The following PIK3R6 variants were observed in gnomAD, a reference collection of about 807,000 sequenced individuals.
PIK3R6 encodes the protein phosphoinositide 3-kinase regulatory subunit 6.
Under a neutral mutation model 84.9 loss-of-function variants are expected in PIK3R6, and 91 were observed. The ratio of observed to expected loss-of-function variants is 1.07; its 90% CI spans 0.90 to 1.28. PIK3R6 has a LOEUF of 1.28. Ranked by LOEUF, PIK3R6 falls within the 50% of genes most tolerant of loss-of-function variation. The pLI is 0.00. For synonymous variants in PIK3R6, 416 were observed against 411.4 expected (o/e 1.01, Z -0.13); for missense variants, 996 against 985.1 (o/e 1.01, Z -0.15).
intron 9 of PIK3R6, among the ~76,000 whole-genome samples, chr17:8,830,195 G>A (rs569813859): frequency 6.6e-6 from 1 of 152,308 alleles, no homozygotes; most frequent in South Asian, 2.1e-4. Flanking sequence ...CCTTCTCAGG[G>A]CTGCTTCCAA....
At position 8,842,623 on chromosome 17, in the gene PIK3R6, C is replaced by T. The variant is rs1024323721; in HGVS notation, c.14-2926G>A. The stretch of plus-strand genomic sequence containing the variant: ...AATAAATTCCTCTTTGCAATTAGCT[C>T]CCACCAAGAGTTTGCCATTATAGGT... On this transcript the variant is annotated intron_variant, in intron 2 of 19. Transcript: ENST00000619866. The surrounding 1 kb of genome is among the most constrained non-coding windows in gnomAD (Gnocchi z 4.5). Among the ~76,000 whole-genome samples the T allele has an allele frequency of 3.3e-5, 5 of 151,384 alleles. No homozygotes were observed.
intron 2 of PIK3R6, among the ~76,000 whole-genome samples, chr17:8,845,714 A>AG (rs554555813): frequency 5.8e-4 from 89 of 152,244 alleles, no homozygotes; most frequent in African/African-American, 1.9e-3. Context: ...TGGGAGGCAG[A>AG]GGGGGGCAGA....
At chr17:8,812,023 A>C (rs918801584) in intron 18 of PIK3R6, among the ~76,000 whole-genome samples, 4 of 152,180 alleles carry the variant, frequency 2.6e-5, no homozygotes, top group African/African-American at 9.7e-5. Flanking sequence ...ACAGTTCCAC[A>C]TGGCTGGGGA....
chr17:8,859,501 G>C (rs10445298), intron 1 of PIK3R6, among the ~76,000 whole-genome samples: 37,124 of 152,118 alleles, frequency 0.24, 5,301 homozygotes, highest in Non-Finnish European at 0.31. Flanking sequence ...CCAGATGGCT[G>C]GTGAAGCATT....
chr17:8,829,377 C>T (rs917371682), intron 10 of PIK3R6, among the ~76,000 whole-genome samples: 2 of 149,906 alleles, frequency 1.3e-5, no homozygotes, highest in African/African-American at 2.5e-5. Flanking sequence ...TGCATGGATA[C>T]ACACACTGAC....
In PIK3R6 at chr17:8,815,282, C is replaced by A. The variant is rs1023620387; in HGVS notation, c.1995+3801G>T. The stretch of plus-strand genomic sequence containing the variant: ...CAGCACTTTGGGAGGCCAAGGCAGG[C>A]GGACCACGAGGCCAAGAGATAGAGA... On this transcript the variant is annotated intron_variant, in intron 18 of 19. Transcript: ENST00000619866. 2.0e-5 allele frequency among the ~76,000 whole-genome samples: 3 copies of A among 152,214 alleles called. No homozygotes were observed. The East Asian group carries it at 5.8e-4, about 29-fold the overall frequency.
rs2089313495 is a variant in PIK3R6 at position 8,862,786 on chromosome 17, C to G, written c.-92+4743G>C. 6.6e-6 allele frequency among the ~76,000 whole-genome samples: 1 copy of G among 152,182 alleles called. No homozygotes were observed. The highest frequency in any genetic ancestry group is 1.5e-5 in the Non-Finnish European group (1 of 68,042). ...ACAGCAATACACCATCCTCCGCCCA[C>G]AGTCAGCAAGACTCCTGGCAGCCAA... is the stretch of plus-strand genomic sequence containing the variant. On this transcript the variant is annotated intron_variant, in intron 1 of 19. Transcript: ENST00000619866. This position sits in a 1 kb window ranked among gnomAD's most constrained non-coding sequence, Gnocchi z 4.3.
chr17:8,828,274 A>C, intron 11 of PIK3R6, 84 bp from the exon 12 acceptor site: 1 of 1,395,450 alleles, frequency 7.2e-7, no homozygotes, highest in Non-Finnish European at 1.0e-6. Flanking sequence ...TTATCTCTTG[A>C]CCTTGGGCAA....
intron 8 of PIK3R6, among the ~76,000 whole-genome samples, chr17:8,834,847 T>C (rs1470664425): frequency 1.3e-5 from 2 of 152,036 alleles, no homozygotes; most frequent in Non-Finnish European, 2.9e-5. Context: ...ATTATTGGTT[T>C]TTTTTTTGGA....
At chr17:8,833,591 G>A (rs1443218107) in intron 8 of PIK3R6, among the ~76,000 whole-genome samples, 1 of 148,050 alleles carries the variant, frequency 6.8e-6, no homozygotes, top group Non-Finnish European at 1.5e-5. Flanking sequence ...ACCCAGGCTG[G>A]AGTGCAGTGG....
rs556125203 is a variant in PIK3R6, at chr17:8,810,246, G to T, written c.1996-6093C>A. ...GAAACTCCTTCTTATATCACCATCA[G>T]ATGTCATGAGACTTACCCACTATCA... is the stretch of plus-strand genomic sequence containing the variant. On this transcript the variant is annotated intron_variant, in intron 18 of 19. Transcript: ENST00000619866. Among the ~76,000 whole-genome samples the T allele has an allele frequency of 1.8e-4, 26 of 147,784 alleles. 2 individuals are homozygous for T. The highest frequency in any genetic ancestry group is 2.9e-4 in the Non-Finnish European group (20 of 67,848).
rs778668846 is a variant in PIK3R6, at chr17:8,862,315, G to C, written c.-92+5214C>G. Among the ~76,000 whole-genome samples the C allele has an allele frequency of 6.6e-6, 1 of 152,160 alleles. No individual in the cohort carries two copies. The highest frequency in any genetic ancestry group is 1.5e-5 in the Non-Finnish European group (1 of 68,032). On this transcript the variant is annotated intron_variant, in intron 1 of 19. Coordinates refer to ENST00000619866, the MANE Select transcript of PIK3R6 (RefSeq NM_001010855.4). The surrounding 1 kb of genome is among the most constrained non-coding windows in gnomAD (Gnocchi z 4.3). ...TGGAAGGCCCTTGATAAATATGCTCGAATGAATGAATGTCAGGCACTCATA... is the reference window on the plus strand; with the variant it reads ...TGGAAGGCCCTTGATAAATATGCTCCAATGAATGAATGTCAGGCACTCATA...
At chr17:8,819,021 T>C (rs1597386057) in intron 18 of PIK3R6, 62 bp downstream of exon 18, 2 of 1,308,974 alleles carry the variant, frequency 1.5e-6, no homozygotes, top group East Asian at 5.2e-5. Context: ...CCCTCTGGGC[T>C]CCCAGCCACC....
intron 1 of PIK3R6, among the ~76,000 whole-genome samples, chr17:8,855,361 A>T (rs1338464552): frequency 6.6e-6 from 1 of 152,118 alleles, no homozygotes; most frequent in Non-Finnish European, 1.5e-5. Context: ...CTCAAAATTC[A>T]ACAGTAAGAA....
At position 8,823,429 on chromosome 17, in the gene PIK3R6, G is replaced by C. The variant is rs767626190; in HGVS notation, c.1584C>G (p.Arg528=). ...GGAAATAGATGGGTTGGGTGCCCAT[G>C]CGGATGTAGTAGGTGATGACGTCTA... ...FILDVITYYI[R]MGTQPIYFQI... Residue 528 remains arginine, a synonymous_variant, in exon 14 of 20, where the codon CGC becomes CGG. Transcript: ENST00000619866. 6.2e-7 allele frequency: 1 copy of C among 1,610,510 alleles called. No homozygotes were observed. The highest frequency in any genetic ancestry group is 8.5e-7 in the Non-Finnish European group (1 of 1,178,220).
At chr17:8,865,881 G>A (rs1387909153) in intron 1 of PIK3R6, among the ~76,000 whole-genome samples, 1 of 151,898 alleles carries the variant, frequency 6.6e-6, no homozygotes, top group Non-Finnish European at 1.5e-5. Flanking sequence ...GTGGGGTGGG[G>A]GTGGGGGAGC....
intron 11 of PIK3R6, 74 bp downstream of exon 11, chr17:8,828,493 C>T: frequency 6.5e-7 from 1 of 1,539,240 alleles, no homozygotes; most frequent in South Asian, 1.2e-5. Flanking sequence ...CCCTGTGATC[C>T]TTCACCAGCC....
At position 8,832,987 on chromosome 17, in the gene PIK3R6, T is replaced by C. The variant is rs2151256032; in HGVS notation, c.704A>G (p.Gln235Arg). ...YFHAVVAALE[Q>R]MASEASPSRE... ...GCTCGGGCTGGCCTCGCTGGCCATC[T>C]GCTCCAAGGCGGCCACCACGGCGTG... Residue 235 changes from glutamine (Q) to arginine (R), a missense_variant, in exon 9 of 20, where the codon CAG (glutamine) becomes CGG (arginine). Physicochemically the swap from Gln to Arg is conservative, Grantham distance 43 (BLOSUM62 1). Transcript: ENST00000619866. 3 of 1,611,738 alleles carry C rather than the reference T, an allele frequency of 1.9e-6. No individual in the cohort carries two copies. Among genetic ancestry groups the C allele is most frequent in the Non-Finnish European group, 2.5e-6 (3 of 1,179,608 alleles).
At chr17:8,865,037 T>C (rs962849005) in intron 1 of PIK3R6, among the ~76,000 whole-genome samples, 3 of 152,144 alleles carry the variant, frequency 2.0e-5, no homozygotes, top group Non-Finnish European at 4.4e-5. Context: ...AAGCCTTCTA[T>C]GGACACGGCA....
Sources: gnomAD v4.1 joint callset for allele counts (sites outside exome capture counted in the v4.1 genomes callset) on GRCh38, gnomAD v4.1.1 for gene constraint, Gnocchi (gnomAD v3.1) non-coding constraint, MANE v1.5 for transcripts, NCBI Gene and HGNC (gene_info 2026-07-23, HGNC 2026-07-21) for gene names.